Variants in ETFA observed in about 807,000 individuals in gnomAD.
ETFA encodes the protein electron transfer flavoprotein subunit alpha, mitochondrial.
Under a neutral mutation model 46.2 loss-of-function variants are expected in ETFA, and 22 were observed. The observed-to-expected ratio is 0.48, with a 90% confidence interval of 0.34 to 0.68. The LOEUF (loss-of-function observed/expected upper bound fraction) is 0.68. Ranked by LOEUF, ETFA falls within the 30% of genes least tolerant of loss-of-function variation. The pLI is 0.01. For missense variants in ETFA, 345 were observed against 401.1 expected (o/e 0.86, Z 1.19); for synonymous variants, 131 against 139.9 (o/e 0.94, Z 0.45).
chr15:76,238,253 G>C (rs2039147959), intron 9 of ETFA, among the ~76,000 whole-genome samples: 1 of 152,010 alleles, frequency 6.6e-6, no homozygotes, highest in Non-Finnish European at 1.5e-5. Context: ...ATATGAGTAG[G>C]GTGGTTAAAT....
At chr15:76,259,420 G>C (rs2039378920) in intron 9 of ETFA, 1 of 1,207,030 alleles carries the variant, frequency 8.3e-7, no homozygotes, top group African/African-American at 1.5e-5. Flanking sequence ...CTTGGATGGA[G>C]TGGGAGTGTA....
chr15:76,302,576 CT>C (rs59673486), intron 1 of ETFA, among the ~76,000 whole-genome samples: 20,142 of 151,602 alleles, frequency 0.13, 1,601 homozygotes, highest in African/African-American at 0.22. Context: ...TGAAACTATT[CT>C]GTATGATATA....
At chr15:76,227,941 T>G (rs1255730101) in intron 10 of ETFA, 2 of 455,962 alleles carry the variant, frequency 4.4e-6, no homozygotes, top group Non-Finnish European at 8.8e-6. Flanking sequence ...AGATGCATAG[T>G]CAGAGACAAT....
rs2039061806 is a variant in ETFA at position 76,231,019 on chromosome 15, CAACTTAGTG to C, written c.882+305_882+313del. ...TCCACAGATTGTGATAGCTGAAGGGCAACTTAGTGATCATCATTCAATACCCACTATTTA... is the reference window on the plus strand; with the variant it reads ...TCCACAGATTGTGATAGCTGAAGGGCATCATCATTCAATACCCACTATTTA... On this transcript the variant is annotated intron_variant, in intron 10 of 11. Coordinates refer to ENST00000557943, the MANE Select transcript of ETFA (RefSeq NM_000126.4). 2.5e-5 allele frequency: 7 copies of C among 280,282 alleles called. No homozygotes were observed. The South Asian group carries it at 3.9e-4, about 16-fold the overall frequency. The allele number at this position is 280,282 out of a possible 1,614,324, so 17.4% of individuals were successfully genotyped here.
chr15:76,296,184 G>A (rs968559613), intron 1 of ETFA, among the ~76,000 whole-genome samples: 6 of 151,742 alleles, frequency 4.0e-5, no homozygotes, highest in South Asian at 2.1e-4. Flanking sequence ...TCCTGACCTC[G>A]TGATCTGCCT....
chr15:76,267,338 G>T (rs1438086440), intron 9 of ETFA, among the ~76,000 whole-genome samples: 2 of 152,130 alleles, frequency 1.3e-5, no homozygotes, highest in Admixed American at 1.3e-4. Context: ...AAGCTAATGG[G>T]ATATGATCCA....
intron 4 of ETFA, among the ~76,000 whole-genome samples, chr15:76,291,524 G>C (rs1567217904): frequency 6.6e-6 from 1 of 151,516 alleles, no homozygotes; most frequent in Non-Finnish European, 1.5e-5. Flanking sequence ...GCCGAGGCGG[G>C]CGGATCACGA....
chr15:76,301,149 T>C (rs2039876507), intron 1 of ETFA, among the ~76,000 whole-genome samples: 1 of 152,154 alleles, frequency 6.6e-6, no homozygotes, highest in African/African-American at 2.4e-5. Flanking sequence ...GCCTGGAACA[T>C]ATTAATCCTC....
intron 10 of ETFA, chr15:76,227,594 G>T: frequency 3.1e-6 from 1 of 318,288 alleles, no homozygotes; most frequent in South Asian, 2.7e-5. Flanking sequence ...AAATAGTTTG[G>T]TATTCCCCAC....
At chr15:76,227,404 C>T (rs953834299) in intron 10 of ETFA, among the ~76,000 whole-genome samples, 2 of 149,730 alleles carry the variant, frequency 1.3e-5, no homozygotes, top group African/African-American at 4.9e-5. Context: ...GTACTCCCAG[C>T]TGTTTGGGAG....
intron 9 of ETFA, among the ~76,000 whole-genome samples, chr15:76,235,826 T>G (rs2039116934): frequency 6.6e-6 from 1 of 152,238 alleles, no homozygotes; most frequent in Non-Finnish European, 1.5e-5. Flanking sequence ...ACAATATCTT[T>G]ACCTTCTGAC....
intron 9 of ETFA, among the ~76,000 whole-genome samples, chr15:76,247,270 A>G (rs1452681643): frequency 6.6e-6 from 1 of 152,246 alleles, no homozygotes; most frequent in East Asian, 1.9e-4. Flanking sequence ...GAGACCATCC[A>G]GTCTACTCAG....
intron 7 of ETFA, among the ~76,000 whole-genome samples, chr15:76,285,310 G>C (rs981826562): frequency 3.9e-5 from 6 of 152,184 alleles, no homozygotes; most frequent in African/African-American, 1.4e-4. Flanking sequence ...ATTCAAGCCA[G>C]TTCTATCTAT....
At chr15:76,259,389 G>A in intron 9 of ETFA, 1 of 1,376,170 alleles carries the variant, frequency 7.3e-7, no homozygotes, top group Non-Finnish European at 1.0e-6. Context: ...AAGGTCGTCT[G>A]AAGGCCTAAG....
At chr15:76,302,188 G>A (rs1429211264) in intron 1 of ETFA, among the ~76,000 whole-genome samples, 2 of 152,204 alleles carry the variant, frequency 1.3e-5, no homozygotes, top group South Asian at 2.1e-4. Flanking sequence ...TCCTTTGTAC[G>A]TACCCAAATG....
At chr15:76,298,377 G>C (rs1450481764) in intron 1 of ETFA, among the ~76,000 whole-genome samples, 1 of 152,066 alleles carries the variant, frequency 6.6e-6, no homozygotes, top group Non-Finnish European at 1.5e-5. Flanking sequence ...TCTATAGAAG[G>C]GTTCTAGGAA....
At chr15:76,305,634 TAA>T (rs1411721713) in intron 1 of ETFA, among the ~76,000 whole-genome samples, 2 of 152,206 alleles carry the variant, frequency 1.3e-5, no homozygotes, top group Non-Finnish European at 2.9e-5. Context: ...GGGCAGGATT[TAA>T]AGAGGTTATC....
At chr15:76,249,108 A>G (rs943788808) in intron 9 of ETFA, among the ~76,000 whole-genome samples, 1 of 150,610 alleles carries the variant, frequency 6.6e-6, no homozygotes, top group Non-Finnish European at 1.5e-5. Context: ...AAATATATAT[A>G]ACATAAAATT....
chr15:76,227,528 A>AAAAAAAAAAAAAC (rs2039016378), intron 10 of ETFA, among the ~76,000 whole-genome samples: 1 of 148,302 alleles, frequency 6.7e-6, no homozygotes, highest in Non-Finnish European at 1.5e-5. Context: ...AAAAAAAAAA[A>AAAAAAAAAAAAAC]GGAAAAGCTA....
Sources: gnomAD v4.1 joint callset for allele counts (sites outside exome capture counted in the v4.1 genomes callset) on GRCh38, gnomAD v4.1.1 for gene constraint, MANE v1.5 for transcripts, NCBI Gene and HGNC (gene_info 2026-07-23, HGNC 2026-07-21) for gene names.